Variants in LOXHD1 observed in about 807,000 individuals in gnomAD.
LOXHD1 encodes lipoxygenase homology domain-containing protein 1.
In LOXHD1, 205 loss-of-function variants were observed where a neutral mutation model predicts 248.2. The observed-to-expected ratio is 0.83, with a 90% CI of 0.74 to 0.93. LOXHD1 has a LOEUF of 0.93. Ranked by LOEUF, LOXHD1 falls within the 40% of genes least tolerant of loss-of-function variation. The pLI is 0.00. For synonymous variants in LOXHD1, 1,113 were observed against 1,162.8 expected, an observed-to-expected ratio of 0.96 and a Z score of 0.87; for missense variants, 2,930 against 2,971.6, an observed-to-expected ratio of 0.99 and a Z score of 0.33.
chr18:46,566,594 T>C (rs992375535), intron 16 of LOXHD1, 145 bp from the exon 17 acceptor site: 1 of 748,280 alleles, frequency 1.3e-6, no homozygotes, highest in Non-Finnish European at 2.2e-6. Flanking sequence ...AAAGCTGGAA[T>C]CCCATTCCTG....
intron 35 of LOXHD1, chr18:46,509,441 GTC>G: frequency 2.1e-6 from 1 of 485,528 alleles, no homozygotes; most frequent in South Asian, 2.1e-5. Flanking sequence ...CCTTTCTCAG[GTC>G]TCTGTCCACG....
chr18:46,586,382 T>C (rs761611348), intron 12 of LOXHD1, among the ~76,000 whole-genome samples: 36 of 152,232 alleles, frequency 2.4e-4, no homozygotes, highest in Non-Finnish European at 4.8e-4. Flanking sequence ...TTGTACACTT[T>C]AAATGGGTAA....
intron 22 of LOXHD1, among the ~76,000 whole-genome samples, chr18:46,545,819 C>T (rs539004702): frequency 3.3e-5 from 5 of 150,936 alleles, no homozygotes; most frequent in South Asian, 2.1e-4. Context: ...TTAGTAGAGA[C>T]GGGGTTTCAC....
At chr18:46,596,706 A>C (rs1331435450) in intron 8 of LOXHD1, among the ~76,000 whole-genome samples, 2 of 152,210 alleles carry the variant, frequency 1.3e-5, no homozygotes, top group Non-Finnish European at 2.9e-5. Context: ...ATAAATGCAC[A>C]TGTAGACATA....
intron 12 of LOXHD1, 61 bp downstream of exon 12, chr18:46,591,872 C>T: frequency 1.3e-6 from 2 of 1,543,936 alleles, no homozygotes; most frequent in South Asian, 2.4e-5. Context: ...AGGTCAGGCC[C>T]ATCGGGACAC....
At chr18:46,576,592 C>G (rs948784484) in intron 14 of LOXHD1, among the ~76,000 whole-genome samples, 2 of 152,242 alleles carry the variant, frequency 1.3e-5, no homozygotes, top group African/African-American at 2.4e-5. Context: ...CTGGCCTGCC[C>G]TCTGTTAGTG....
chr18:46,522,886 C>T (rs566334442), intron 31 of LOXHD1, among the ~76,000 whole-genome samples: 23 of 152,226 alleles, frequency 1.5e-4, no homozygotes, highest in African/African-American at 5.3e-4. Context: ...ATTCTTCTTG[C>T]AGCTGGGGTG....
intron 4 of LOXHD1, among the ~76,000 whole-genome samples, chr18:46,636,782 A>G (rs1298992680): frequency 6.6e-6 from 1 of 152,226 alleles, no homozygotes; most frequent in Non-Finnish European, 1.5e-5. Context: ...GTAGCAGCCA[A>G]ATACCAAGTT....
intron 12 of LOXHD1, 113 bp from the exon 13 acceptor site, chr18:46,579,897 G>T: frequency 7.8e-7 from 1 of 1,280,038 alleles, no homozygotes; most frequent in Non-Finnish European, 1.1e-6. Context: ...TTCTCATCTG[G>T]GCTGACCTTC....
At chr18:46,513,254 G>A (rs934914765) in intron 34 of LOXHD1, among the ~76,000 whole-genome samples, 1 of 152,192 alleles carries the variant, frequency 6.6e-6, no homozygotes, top group African/African-American at 2.4e-5. Context: ...ACCTTTGACT[G>A]TTCTTCATGT....
intron 6 of LOXHD1, among the ~76,000 whole-genome samples, chr18:46,610,465 G>A (rs1334478361): frequency 6.0e-5 from 9 of 150,630 alleles, no homozygotes; most frequent in Admixed American, 1.3e-4. Context: ...CAAGTTGATG[G>A]GTGCAGCAAA....
chr18:46,543,333 T>C (rs1398359435), intron 23 of LOXHD1, among the ~76,000 whole-genome samples: 2 of 152,248 alleles, frequency 1.3e-5, no homozygotes, highest in Admixed American at 6.5e-5. Flanking sequence ...TCTAAATTGT[T>C]GTATAAGACA....
At position 46,547,164 on chromosome 18, in the gene LOXHD1, C is replaced by A. The variant is rs1215282778; in HGVS notation, c.3351-106G>T. 4 of 1,222,420 alleles carry A rather than the reference C, an allele frequency of 3.3e-6. No homozygotes were observed. In the African/African-American group the frequency reaches 4.5e-5, roughly 14 times the overall value. The allele number at this position is 1,222,420 out of a possible 1,614,324, so 75.7% of individuals were successfully genotyped here. A position where few individuals can be genotyped will look rare whatever the true frequency, so the allele number is the denominator to read the frequency against. The stretch of plus-strand genomic sequence containing the variant: ...GGCCCTCTATGGGGTCCCAAACTCT[C>A]CCCTGTCTGCCCCTGACAGCATTGC... On this transcript the variant is annotated intron_variant, in intron 21 of 40. Transcript: ENST00000642948.
intron 7 of LOXHD1, among the ~76,000 whole-genome samples, chr18:46,601,908 C>T (rs911840298): frequency 1.3e-5 from 2 of 152,174 alleles, no homozygotes; most frequent in African/African-American, 4.8e-5. Flanking sequence ...TGATTCATTT[C>T]GCTTGCTCTT....
Position 46,560,236 on chromosome 18 carries a change from T to TCTC in LOXHD1, c.2905_2907dup (p.Glu969dup). On this transcript the variant is annotated inframe_insertion, in exon 19 of 41. Coordinates refer to ENST00000642948, the MANE Select transcript of LOXHD1 (RefSeq NM_001384474.1). ...TCCTCCTCTTCCTCCTCTTCTTCCA[T>TCTC]CTCCTCCTCCTCTGACGAGGACTCC... is the stretch of plus-strand genomic sequence containing the variant. 1 of 1,549,924 alleles carries TCTC rather than the reference T, an allele frequency of 6.5e-7. No homozygotes were observed. The highest frequency in any genetic ancestry group is 1.2e-5 in the South Asian group (1 of 84,050).
At position 46,630,779 on chromosome 18, in the gene LOXHD1, G is replaced by T. The variant is rs149143006; in HGVS notation, c.511+8837C>A. ...AACATCAAAGTGGGTATGGGGGGGG[G>T]TGTGAAATCAGTGGGTGGGAGACAC... On this transcript the variant is annotated intron_variant, in intron 4 of 40. Transcript: ENST00000642948. Among the ~76,000 whole-genome samples, 6 of 149,096 alleles carry T rather than the reference G, an allele frequency of 4.0e-5. No homozygotes were observed. In the East Asian group the frequency reaches 9.8e-4, roughly 24 times the overall value.
At chr18:46,544,685 C>G (rs780345642) in intron 23 of LOXHD1, 16 of 379,356 alleles carry the variant, frequency 4.2e-5, no homozygotes, top group South Asian at 8.4e-5. Flanking sequence ...CAATGTCACA[C>G]AGCTAATAAA....
intron 6 of LOXHD1, 127 bp downstream of exon 6, chr18:46,610,649 G>A: frequency 9.1e-7 from 1 of 1,098,760 alleles, no homozygotes; most frequent in East Asian, 2.7e-5. Flanking sequence ...TGGCCATCTG[G>A]CTTAGGTAGA....
At chr18:46,590,205 C>A (rs896105471) in intron 12 of LOXHD1, among the ~76,000 whole-genome samples, 21 of 152,094 alleles carry the variant, frequency 1.4e-4, no homozygotes, top group African/African-American at 5.1e-4. Context: ...CCATTCCAGA[C>A]TAACTGAATT....
Sources: allele counts gnomAD v4.1 joint callset (sites outside exome capture counted in the v4.1 genomes callset), GRCh38; gene constraint gnomAD v4.1.1; transcripts MANE v1.5; gene names NCBI Gene and HGNC (gene_info 2026-07-23, HGNC 2026-07-21).